Variants in OPCML observed in about 807,000 individuals in gnomAD.
OPCML encodes the protein opioid-binding protein/cell adhesion molecule.
Under a neutral mutation model 37.8 loss-of-function variants are expected in OPCML, and 13 were observed. The ratio of observed to expected loss-of-function variants is 0.34; its 90% CI spans 0.22 to 0.55. OPCML has a LOEUF of 0.55. Among genes scored for constraint, OPCML ranks in the 20% least tolerant of loss-of-function variants. The pLI is 0.91. For synonymous variants in OPCML, 176 were observed against 168.8 expected, an observed-to-expected ratio of 1.04 and a Z score of -0.33; for missense variants, 341 against 435.6, an observed-to-expected ratio of 0.78 and a Z score of 1.93.
At chr11:132,685,745 T>A (rs940861103) in intron 2 of OPCML, among the ~76,000 whole-genome samples, 1 of 152,176 alleles carries the variant, frequency 6.6e-6, no homozygotes, top group Non-Finnish European at 1.5e-5. Context: ...ATAAACACAG[T>A]TCCTGAGAAG....
chr11:133,306,495 T>C (rs1942922580), intron 1 of OPCML, among the ~76,000 whole-genome samples: 2 of 152,188 alleles, frequency 1.3e-5, no homozygotes, highest in Non-Finnish European at 2.9e-5. Context: ...TTGGAATAGG[T>C]ATAAAATATG....
intron 3 of OPCML, among the ~76,000 whole-genome samples, chr11:132,631,352 C>CATATATATATATATATATATATATAT (rs61450463): frequency 4.9e-5 from 7 of 142,734 alleles, no homozygotes; most frequent in African/African-American, 1.6e-4. Context: ...ACCATATATA[C>CATATATATATATATATATATATATAT]ATATATATAT....
chr11:133,385,183 T>C (rs1945018700), intron 1 of OPCML, among the ~76,000 whole-genome samples: 1 of 152,146 alleles, frequency 6.6e-6, no homozygotes, highest in African/African-American at 2.4e-5. Flanking sequence ...AGGGGCCGTG[T>C]GCTGAGGGCT....
intron 3 of OPCML, among the ~76,000 whole-genome samples, chr11:132,615,189 G>A (rs563087134): frequency 3.3e-5 from 5 of 152,310 alleles, no homozygotes; most frequent in Middle Eastern, 3.4e-3. Context: ...AAAAGAGTAA[G>A]AGGACTACTG....
At chr11:133,409,291 C>G (rs1945594920) in intron 1 of OPCML, among the ~76,000 whole-genome samples, 1 of 152,142 alleles carries the variant, frequency 6.6e-6, no homozygotes, top group Non-Finnish European at 1.5e-5. Flanking sequence ...GTACTGTTCC[C>G]AATTCTCACT....
chr11:132,508,772 G>T (rs1455354252), intron 4 of OPCML, among the ~76,000 whole-genome samples: 1 of 152,162 alleles, frequency 6.6e-6, no homozygotes, highest in African/African-American at 2.4e-5. Flanking sequence ...GGCCTCCCCA[G>T]ACATGTGGAA....
At chr11:132,894,973 A>G (rs547456366) in intron 2 of OPCML, among the ~76,000 whole-genome samples, 2 of 152,320 alleles carry the variant, frequency 1.3e-5, no homozygotes, top group East Asian at 3.9e-4. Flanking sequence ...ACATATATCT[A>G]TATATCTATA....
chr11:133,333,430 T>G (rs1943670563), intron 1 of OPCML, among the ~76,000 whole-genome samples: 1 of 151,932 alleles, frequency 6.6e-6, no homozygotes, highest in African/African-American at 2.4e-5. Context: ...CTAAGATAAC[T>G]AGCTAGCCAT....
intron 1 of OPCML, among the ~76,000 whole-genome samples, chr11:133,103,458 G>T (rs1949114372): frequency 6.6e-6 from 1 of 152,216 alleles, no homozygotes; most frequent in South Asian, 2.1e-4. Context: ...TTCCTGAGTT[G>T]CAGCAGAGTT....
chr11:133,456,076 G>A (rs543705506), intron 1 of OPCML, among the ~76,000 whole-genome samples: 19 of 152,312 alleles, frequency 1.2e-4, no homozygotes, highest in Non-Finnish European at 2.4e-4. Context: ...TGTAACTCAG[G>A]CTGGTGGAAA....
At chr11:133,329,330 CTACTT>C (rs1230437722) in intron 1 of OPCML, among the ~76,000 whole-genome samples, 1 of 152,178 alleles carries the variant, frequency 6.6e-6, no homozygotes, top group Non-Finnish European at 1.5e-5. Context: ...TTGGAAAAAA[CTACTT>C]TAAAGTTCAT....
rs528058472 is a variant in OPCML, at chr11:133,444,792, T to C, written c.61+87472A>G. On this transcript the variant is annotated intron_variant, in intron 1 of 7. Coordinates refer to ENST00000524381, the MANE Select transcript of OPCML (RefSeq NM_001012393.5). ...CTTTTTTCTAACTTTGAGTTTTTTG[T>C]TTTTTGGTTTTTTTTGCATGCAGCT... 1.8e-3 allele frequency among the ~76,000 whole-genome samples: 252 copies of C among 136,240 alleles called. 1 individual carries two copies. Among genetic ancestry groups the C allele is most frequent in the African/African-American group, 8.3e-3 (247 of 29,744 alleles). 89.4% of individuals were successfully genotyped at this position (136,240 alleles called of 152,430 possible).
chr11:132,618,679 C>T (rs1168602708), intron 3 of OPCML, among the ~76,000 whole-genome samples: 1 of 152,100 alleles, frequency 6.6e-6, no homozygotes, highest in Non-Finnish European at 1.5e-5. Flanking sequence ...GTAAAATATA[C>T]ATAATATAAA....
intron 4 of OPCML, among the ~76,000 whole-genome samples, chr11:132,486,321 G>A (rs2096199760): frequency 6.6e-6 from 1 of 152,126 alleles, no homozygotes; most frequent in Non-Finnish European, 1.5e-5. Context: ...GCCCCACAAT[G>A]GTTCTTTGAT....
chr11:132,894,978 T>G (rs1324212028), intron 2 of OPCML, among the ~76,000 whole-genome samples: 1 of 152,224 alleles, frequency 6.6e-6, no homozygotes, highest in Non-Finnish European at 1.5e-5. Flanking sequence ...TATCTATATA[T>G]CTATAAATAG....
intron 2 of OPCML, among the ~76,000 whole-genome samples, chr11:132,757,356 G>A (rs1209539789): frequency 6.6e-6 from 1 of 152,190 alleles, no homozygotes; most frequent in African/African-American, 2.4e-5. Context: ...TCTGGTTCTA[G>A]ATCCTTGAGG....
chr11:132,554,888 T>TC (rs2096391328), intron 3 of OPCML, among the ~76,000 whole-genome samples: 1 of 140,782 alleles, frequency 7.1e-6, no homozygotes, highest in Non-Finnish European at 1.5e-5. Context: ...TTTTTTTTTT[T>TC]TTTCATTAGC....
At chr11:133,093,373 G>A (rs185475649) in intron 1 of OPCML, among the ~76,000 whole-genome samples, 65 of 152,038 alleles carry the variant, frequency 4.3e-4, no homozygotes, top group African/African-American at 1.4e-3. Flanking sequence ...TACATGTGCC[G>A]TGGTGGTTTG....
chr11:133,004,110 G>T (rs1947062110), intron 1 of OPCML: 1 of 985,374 alleles, frequency 1.0e-6, no homozygotes, highest in Non-Finnish European at 1.2e-6. Flanking sequence ...TTGGAAGGAA[G>T]TTGGACACCC....
Sources: allele counts gnomAD v4.1 joint callset (sites outside exome capture counted in the v4.1 genomes callset), GRCh38; gene constraint gnomAD v4.1.1; transcripts MANE v1.5; gene names NCBI Gene and HGNC (gene_info 2026-07-23, HGNC 2026-07-21).